TRNAU1AP: variants seen among roughly 807,000 people sequenced by gnomAD.
TRNAU1AP encodes tRNA selenocysteine 1 associated protein 1, also known as tRNA selenocysteine 1-associated protein 1.
In TRNAU1AP, 33 loss-of-function variants were observed where a neutral mutation model predicts 43.3. That is an observed-to-expected ratio of 0.76 (90% CI 0.58 to 1.02). The LOEUF (loss-of-function observed/expected upper bound fraction) is 1.02, where lower values mean the gene tolerates loss of function less well. Ranked by LOEUF, TRNAU1AP falls within the 50% of genes least tolerant of loss-of-function variation. The probability of loss-of-function intolerance (pLI) is 0.00; values close to 1 mark genes in which losing one functional copy is unlikely to be tolerated. For synonymous variants in TRNAU1AP, 143 were observed against 129.1 expected (o/e 1.11, Z -0.73); for missense variants, 290 against 362.7 (o/e 0.80, Z 1.63).
rs1012693989 is a variant in TRNAU1AP, at chr1:28,558,836, A to G, written c.126-1797A>G. 3.9e-5 allele frequency among the ~76,000 whole-genome samples: 6 copies of G among 152,120 alleles called. 1 individual carries two copies. Among genetic ancestry groups the G allele is most frequent in the African/African-American group, 1.4e-4 (6 of 41,434 alleles). On this transcript the variant is annotated intron_variant, in intron 2 of 8. Transcript: ENST00000373830. ...CGCCTCGGCCTCCCAAAGTGCTGGG[A>G]TTACAGGCGTGAGCCACCGCGCCTG...
chr1:28,573,731 C>T (rs978124245), intron 8 of TRNAU1AP, among the ~76,000 whole-genome samples: 2 of 151,690 alleles, frequency 1.3e-5, no homozygotes, highest in Non-Finnish European at 2.9e-5. Context: ...CGAGATCATA[C>T]CACTGTACTC....
chr1:28,568,079 G>A (rs1487466516), intron 6 of TRNAU1AP, among the ~76,000 whole-genome samples: 4 of 152,148 alleles, frequency 2.6e-5, no homozygotes, highest in Non-Finnish European at 5.9e-5. Flanking sequence ...CAGGAGAATC[G>A]CTTGAACCTG....
chr1:28,559,110 C>T (rs1298289403), intron 2 of TRNAU1AP, among the ~76,000 whole-genome samples: 1 of 151,414 alleles, frequency 6.6e-6, no homozygotes, highest in Non-Finnish European at 1.5e-5. Flanking sequence ...CTTGTTCTGT[C>T]GCCCAGGCTG....
At chr1:28,560,195 G>A (rs1411077847) in intron 2 of TRNAU1AP, among the ~76,000 whole-genome samples, 3 of 152,072 alleles carry the variant, frequency 2.0e-5, no homozygotes, top group African/African-American at 7.2e-5. Flanking sequence ...GTCTGAGCTG[G>A]GGTATGGCAG....
intron 8 of TRNAU1AP, among the ~76,000 whole-genome samples, chr1:28,576,727 G>A (rs1043533512): frequency 1.3e-5 from 2 of 152,160 alleles, no homozygotes; most frequent in African/African-American, 4.8e-5. Flanking sequence ...AGCCTCCCGA[G>A]TAGTTGGGAT....
At chr1:28,576,761 G>A (rs1040873691) in intron 8 of TRNAU1AP, among the ~76,000 whole-genome samples, 12 of 152,140 alleles carry the variant, frequency 7.9e-5, no homozygotes, top group African/African-American at 2.2e-4. Flanking sequence ...CACCATGCCC[G>A]GCTCATTTTG....
intron 4 of TRNAU1AP, among the ~76,000 whole-genome samples, chr1:28,561,889 G>A (rs138045396): frequency 0.028 from 4,228 of 152,196 alleles, 86 homozygotes; most frequent in Admixed American, 0.037. Context: ...TGGCTAACAC[G>A]GTGAAACCCC....
intron 1 of TRNAU1AP, chr1:28,553,411 G>C (rs1224694507): frequency 4.8e-6 from 3 of 622,968 alleles, no homozygotes; most frequent in African/African-American, 3.7e-5. Context: ...GAGGCGCGCT[G>C]TTCTGGGACC....
At chr1:28,563,555 G>A (rs899565564) in intron 4 of TRNAU1AP, among the ~76,000 whole-genome samples, 1 of 152,024 alleles carries the variant, frequency 6.6e-6, no homozygotes, top group Non-Finnish European at 1.5e-5. Context: ...GTAGTGGCGG[G>A]CACCTGTAAT....
At chr1:28,554,029 C>G (rs1665195203) in intron 2 of TRNAU1AP, 1 of 237,268 alleles carries the variant, frequency 4.2e-6, no homozygotes, top group Admixed American at 4.8e-5. Flanking sequence ...GAAACCCCGT[C>G]TCTACTAAAA....
chr1:28,564,753 G>C lies in TRNAU1AP; in HGVS notation c.329G>C (p.Gly110Ala). 2.5e-6 allele frequency: 4 copies of C among 1,614,112 alleles called. No individual in the cohort carries two copies. Among genetic ancestry groups the C allele is most frequent in the Non-Finnish European group, 3.4e-6 (4 of 1,180,004 alleles). The stretch of plus-strand genomic sequence containing the variant: ...GACCTGACCCCGGACGTGGATGATG[G>C]CATGCTGTATGAATTCTTCGTCAAA... ...VGDLTPDVDD[G>A]MLYEFFVKVY... Residue 110 changes from glycine to alanine, a missense_variant, in exon 5 of 9, where the codon GGC becomes GCC. Gly to Ala is a moderately conservative substitution (Grantham distance 60, BLOSUM62 0). Around this residue, in one of 3 missense-constraint regions of TRNAU1AP, gnomAD observed 174 missense variants for 262.1 expected, o/e 0.66. Coordinates refer to ENST00000373830, the MANE Select transcript of TRNAU1AP (RefSeq NM_017846.5).
At chr1:28,574,770 G>A (rs1475150436) in intron 8 of TRNAU1AP, 2 of 152,202 alleles carry the variant, frequency 1.3e-5, no homozygotes, top group Admixed American at 6.5e-5. Context: ...GTCTTCAAGA[G>A]AAAGTCATAG....
chr1:28,553,893 G>T (rs746731075), intron 2 of TRNAU1AP, 156 bp downstream of exon 2: 1 of 691,318 alleles, frequency 1.4e-6, no homozygotes. Context: ...TGGAAGGATG[G>T]CATGTAGCTT....
intron 7 of TRNAU1AP, among the ~76,000 whole-genome samples, 161 bp from the exon 8 acceptor site, chr1:28,571,706 C>T (rs1053202027): frequency 9.2e-5 from 14 of 151,876 alleles, no homozygotes; most frequent in African/African-American, 3.4e-4. Context: ...TCTCTTGAAA[C>T]TGGGATGCGG....
chr1:28,564,566 G>A (rs1665494285), intron 4 of TRNAU1AP, 137 bp from the exon 5 acceptor site: 3 of 1,035,556 alleles, frequency 2.9e-6, no homozygotes, highest in Non-Finnish European at 4.1e-6. Flanking sequence ...ATGAAACAAA[G>A]TAGGGGCTGG....
At chr1:28,571,627 C>T (rs927827447) in intron 7 of TRNAU1AP, among the ~76,000 whole-genome samples, 2 of 151,838 alleles carry the variant, frequency 1.3e-5, no homozygotes, top group Non-Finnish European at 2.9e-5. Flanking sequence ...ACTAAAAATA[C>T]AAAAAATTAG....
intron 2 of TRNAU1AP, among the ~76,000 whole-genome samples, chr1:28,559,421 G>A (rs1665355044): frequency 6.6e-6 from 1 of 152,090 alleles, no homozygotes; most frequent in African/African-American, 2.4e-5. Context: ...CTGAGGTCGG[G>A]AGTTCAAGAC....
chr1:28,555,861 T>C (rs1373992195), intron 2 of TRNAU1AP, among the ~76,000 whole-genome samples: 1 of 150,486 alleles, frequency 6.6e-6, no homozygotes, highest in Non-Finnish European at 1.5e-5. Context: ...TTTTTTCTTT[T>C]TTTTTTTTTT....
At chr1:28,554,241 C>G (rs1017290930) in intron 2 of TRNAU1AP, among the ~76,000 whole-genome samples, 1 of 149,984 alleles carries the variant, frequency 6.7e-6, no homozygotes, top group East Asian at 1.9e-4. Context: ...AGGACTCAAG[C>G]GAGACTGGGT....
Sources: allele counts gnomAD v4.1 joint callset (sites outside exome capture counted in the v4.1 genomes callset), GRCh38; gene constraint gnomAD v4.1.1; regional missense constraint gnomAD v4.1.1; transcripts MANE v1.5; gene names NCBI Gene and HGNC (gene_info 2026-07-23, HGNC 2026-07-21).